RLN2: variants seen among roughly 807,000 people sequenced by gnomAD.
RLN2 encodes the protein prorelaxin H2.
In RLN2, 10 loss-of-function variants were observed where a neutral mutation model predicts 7.3. That is an observed-to-expected ratio of 1.36 (90% CI 0.84 to 2.31). The LOEUF is 2.31. RLN2 is among the 30% of genes most tolerant of loss of function. The pLI, the probability that RLN2 is intolerant of heterozygous loss-of-function variation, is 0.00. For synonymous variants in RLN2, 103 were observed against 82.3 expected (o/e 1.25, Z -1.36); for missense variants, 298 against 217.6 (o/e 1.37, Z -2.32).
At chr9:5,328,509 T>C in the RLN2 span, among the ~76,000 whole-genome samples, 3 of 151,958 alleles carry the variant, frequency 2.0e-5, no homozygotes, top group Admixed American at 1.3e-4. Context: ...CCACGAGAAC[T>C]TCCCTAATCT....
chr9:5,309,550 T>C (rs7875984), upstream of RLN2, among the ~76,000 whole-genome samples: 937 of 152,080 alleles, frequency 6.2e-3, 20 homozygotes, highest in African/African-American at 0.021. Context: ...CCTTTGCCTT[T>C]CCCTGTCCCT....
At chr9:5,330,165 G>T in the RLN2 span, among the ~76,000 whole-genome samples, 1 of 152,008 alleles carries the variant, frequency 6.6e-6, no homozygotes, top group Non-Finnish European at 1.5e-5. Flanking sequence ...TGACTACTGG[G>T]TAAGTAACGA....
the RLN2 span, among the ~76,000 whole-genome samples, chr9:5,329,657 CAAA>C: frequency 4.4e-4 from 66 of 150,704 alleles, no homozygotes; most frequent in Non-Finnish European, 8.3e-4. Flanking sequence ...TCAAAAGAGA[CAAA>C]GAAGGCCACT....
upstream of RLN2, among the ~76,000 whole-genome samples, chr9:5,308,052 A>T (rs1028385780): frequency 2.6e-4 from 39 of 150,214 alleles, no homozygotes; most frequent in East Asian, 9.8e-4. Flanking sequence ...TTTTTTTTTT[A>T]AATTATTATT....
At chr9:5,337,688 C>G in the RLN2 span, among the ~76,000 whole-genome samples, 1 of 151,906 alleles carries the variant, frequency 6.6e-6, no homozygotes, top group African/African-American at 2.4e-5. Context: ...TACCTAGTAA[C>G]GGTAAACATT....
upstream of RLN2, among the ~76,000 whole-genome samples, chr9:5,307,421 A>T (rs1816276145): frequency 1.3e-5 from 2 of 152,020 alleles, no homozygotes; most frequent in Non-Finnish European, 2.9e-5. Context: ...CTTTAGTGGC[A>T]CTTGAATTAG....
the RLN2 span, among the ~76,000 whole-genome samples, chr9:5,327,195 T>C: frequency 3.3e-5 from 5 of 152,050 alleles, no homozygotes; most frequent in African/African-American, 7.2e-5. Context: ...CATGACCAAA[T>C]AGTGCCCTTT....
chr9:5,333,093 G>A, the RLN2 span, among the ~76,000 whole-genome samples: 1 of 151,940 alleles, frequency 6.6e-6, no homozygotes, highest in Non-Finnish European at 1.5e-5. Context: ...TATCCTGGAA[G>A]CAAATATTTT....
At chr9:5,336,122 A>C in the RLN2 span, among the ~76,000 whole-genome samples, 1 of 151,934 alleles carries the variant, frequency 6.6e-6, no homozygotes, top group African/African-American at 2.4e-5. Context: ...CATTTCCAAC[A>C]CCTGTAATCT....
chr9:5,308,343 G>A (rs1816290140), upstream of RLN2, among the ~76,000 whole-genome samples: 2 of 151,946 alleles, frequency 1.3e-5, no homozygotes, highest in African/African-American at 4.8e-5. Context: ...TCAAGTAATA[G>A]CGTATGTATG....
chr9:5,305,865 A>G (rs1235733661), upstream of RLN2, among the ~76,000 whole-genome samples: 1 of 152,032 alleles, frequency 6.6e-6, no homozygotes, highest in African/African-American at 2.4e-5. Context: ...GTCAAATGCC[A>G]AGCAATGTGT....
chr9:5,332,440 T>C, the RLN2 span, among the ~76,000 whole-genome samples: 5 of 152,008 alleles, frequency 3.3e-5, 1 homozygote, highest in South Asian at 1.0e-3. Flanking sequence ...CCTGGATAAC[T>C]GGTGCTGGAA....
At chr9:5,324,763 G>A in the RLN2 span, among the ~76,000 whole-genome samples, 1 of 152,138 alleles carries the variant, frequency 6.6e-6, no homozygotes, top group South Asian at 2.1e-4. Context: ...GAATAGTACA[G>A]AGGCTGGCGT....
chr9:5,330,434 C>T, the RLN2 span, among the ~76,000 whole-genome samples: 42 of 151,718 alleles, frequency 2.8e-4, no homozygotes, highest in East Asian at 9.7e-4. Context: ...GTCAGGAGAT[C>T]GAGACCATCC....
the RLN2 span, among the ~76,000 whole-genome samples, chr9:5,330,426 C>G: frequency 1.3e-5 from 2 of 151,868 alleles, no homozygotes; most frequent in South Asian, 4.2e-4. Flanking sequence ...ATCACGAGGT[C>G]AGGAGATCGA....
chr9:5,309,585 T>G (rs1314286169), upstream of RLN2, among the ~76,000 whole-genome samples: 1 of 152,026 alleles, frequency 6.6e-6, no homozygotes. Flanking sequence ...TCTTTGCTTA[T>G]TTTCTTTTCA....
At chr9:5,317,470 G>A in the RLN2 span, among the ~76,000 whole-genome samples, 4 of 149,064 alleles carry the variant, frequency 2.7e-5, no homozygotes, top group African/African-American at 9.9e-5. Flanking sequence ...AAAAATAGCT[G>A]GGCTACACTG....
At chr9:5,329,933 A>T in the RLN2 span, among the ~76,000 whole-genome samples, 1 of 151,968 alleles carries the variant, frequency 6.6e-6, no homozygotes, top group African/African-American at 2.4e-5. Context: ...ACAAAATTCT[A>T]CACCCCAAAT....
At chr9:5,302,187 C>T (rs936227275) in intron 1 of RLN2, among the ~76,000 whole-genome samples, 11 of 152,128 alleles carry the variant, frequency 7.2e-5, no homozygotes, top group African/African-American at 2.7e-4. Context: ...ATTTTTAAAC[C>T]TGTTTTGAAA....
Sources: gnomAD v4.1 joint callset for allele counts (sites outside exome capture counted in the v4.1 genomes callset) on GRCh38, gnomAD v4.1.1 for gene constraint, MANE v1.5 for transcripts, NCBI Gene and HGNC (gene_info 2026-07-23, HGNC 2026-07-21) for gene names.